Variants in MAML2 observed in about 807,000 individuals in gnomAD.
MAML2 encodes the protein mastermind-like protein 2.
Under a neutral mutation model 96.1 loss-of-function variants are expected in MAML2, and 22 were observed. The observed-to-expected ratio is 0.23, with a 90% CI of 0.16 to 0.33. The LOEUF is 0.33. MAML2 is among the 10% of genes least tolerant of loss of function. MAML2 has a pLI of 1.00. For synonymous variants in MAML2, 561 were observed against 521.3 expected (o/e 1.08, Z -1.04); for missense variants, 1,367 against 1,392.4 (o/e 0.98, Z 0.29).
intron 1 of MAML2, among the ~76,000 whole-genome samples, chr11:96,141,015 C>T (rs1860721785): frequency 6.6e-6 from 1 of 152,170 alleles, no homozygotes; most frequent in African/African-American, 2.4e-5. Context: ...CAAGTCATTT[C>T]TTAGCATAAG....
intron 4 of MAML2, among the ~76,000 whole-genome samples, chr11:95,981,427 A>C (rs2135700243): frequency 6.6e-6 from 1 of 152,348 alleles, no homozygotes; most frequent in South Asian, 2.1e-4. Context: ...AGAGATTCTG[A>C]GAAATACAGA....
chr11:95,991,445 A>G, intron 3 of MAML2, 75 bp downstream of exon 3: 1 of 1,372,200 alleles, frequency 7.3e-7, no homozygotes, highest in South Asian at 1.2e-5. Flanking sequence ...GGCACAGTAA[A>G]TATAAATGGA....
At chr11:96,301,950 C>A (rs1412911165) in intron 1 of MAML2, among the ~76,000 whole-genome samples, 1 of 152,188 alleles carries the variant, frequency 6.6e-6, no homozygotes, top group Non-Finnish European at 1.5e-5. Flanking sequence ...GCTATTGCGA[C>A]CTTATTCTCT....
intron 2 of MAML2, among the ~76,000 whole-genome samples, chr11:96,014,347 C>T (rs528098803): frequency 2.6e-5 from 4 of 152,146 alleles, no homozygotes; most frequent in Non-Finnish European, 4.4e-5. Flanking sequence ...GGGATCCTTG[C>T]GACAGGGATG....
intron 1 of MAML2, among the ~76,000 whole-genome samples, chr11:96,155,509 A>AATATACATATAT (rs1860995729): frequency 1.3e-5 from 1 of 74,848 alleles, no homozygotes; most frequent in African/African-American, 6.1e-5. Context: ...TAACAATTCA[A>AATATACATATAT]ATATATATAT....
chr11:96,007,478 C>T (rs1030897904), intron 2 of MAML2, among the ~76,000 whole-genome samples: 5 of 151,998 alleles, frequency 3.3e-5, no homozygotes, highest in South Asian at 2.1e-4. Context: ...TTGGATCCTG[C>T]GAGACAAAAT....
intron 1 of MAML2, among the ~76,000 whole-genome samples, chr11:96,099,248 C>A (rs189653045): frequency 3.0e-4 from 45 of 152,164 alleles, no homozygotes; most frequent in African/African-American, 1.1e-3. Context: ...GAGACCAATC[C>A]GAAAGCTAAT....
chr11:96,002,370 G>A (rs557554409), intron 2 of MAML2, among the ~76,000 whole-genome samples: 2 of 152,332 alleles, frequency 1.3e-5, no homozygotes, highest in South Asian at 2.1e-4. Flanking sequence ...AAACCAAAGT[G>A]GGGGAGAAAG....
intron 2 of MAML2, among the ~76,000 whole-genome samples, chr11:96,007,501 T>A (rs989173109): frequency 8.5e-5 from 13 of 152,196 alleles, no homozygotes; most frequent in African/African-American, 3.1e-4. Context: ...GACTATATCT[T>A]GCATTATCTG....
rs536031572 is a variant in MAML2, at chr11:96,031,915, G to A, written c.2140-40192C>T. Among the ~76,000 whole-genome samples, 113 of 152,238 alleles carry A rather than the reference G, an allele frequency of 7.4e-4. 1 individual carries two copies. The highest frequency in any genetic ancestry group is 8.8e-5 in the Non-Finnish European group (6 of 68,014). On this transcript the variant is annotated intron_variant, in intron 2 of 4. Transcript: ENST00000524717. ...GCAGGAGAATGGCGTGAACCCGGGA[G>A]GCAGAGCTTGCAGTGAGCTGAGATT...
At chr11:96,029,737 A>G (rs1858581616) in intron 2 of MAML2, among the ~76,000 whole-genome samples, 2 of 152,076 alleles carry the variant, frequency 1.3e-5, no homozygotes, top group Admixed American at 1.3e-4. Context: ...CTGACTTTCT[A>G]TGTTCAGTGG....
At chr11:96,282,725 G>A (rs1305663918) in intron 1 of MAML2, among the ~76,000 whole-genome samples, 1 of 152,142 alleles carries the variant, frequency 6.6e-6, no homozygotes, top group Non-Finnish European at 1.5e-5. Flanking sequence ...TAATCATGTT[G>A]AATTTTATAA....
intron 1 of MAML2, among the ~76,000 whole-genome samples, chr11:96,199,196 C>CA (rs71459791): frequency 0.017 from 1,012 of 58,556 alleles, 34 homozygotes; most frequent in East Asian, 0.052. Flanking sequence ...GCCTCCGTCT[C>CA]AAAAAAAAAA....
chr11:96,148,403 T>A (rs1860854318), intron 1 of MAML2, among the ~76,000 whole-genome samples: 1 of 151,172 alleles, frequency 6.6e-6, no homozygotes, highest in Non-Finnish European at 1.5e-5. Flanking sequence ...ACCCTCTAAG[T>A]GAACTGAATG....
At chr11:96,014,545 A>G (rs190530087) in intron 2 of MAML2, among the ~76,000 whole-genome samples, 63 of 152,232 alleles carry the variant, frequency 4.1e-4, no homozygotes, top group Non-Finnish European at 6.8e-4. Context: ...GTCTCAAACT[A>G]CATTCTTACA....
At chr11:96,307,417 C>T in intron 1 of MAML2, among the ~76,000 whole-genome samples, 1 of 152,138 alleles carries the variant, frequency 6.6e-6, no homozygotes, top group African/African-American at 2.4e-5. Context: ...AAATATATCC[C>T]TTAAAGTATA....
chr11:96,325,567 C>A (rs1863763593), intron 1 of MAML2, among the ~76,000 whole-genome samples: 1 of 152,096 alleles, frequency 6.6e-6, no homozygotes, highest in African/African-American at 2.4e-5. Flanking sequence ...ATTATTATGA[C>A]CATTACAAAT....
intron 2 of MAML2, among the ~76,000 whole-genome samples, chr11:96,055,864 G>A (rs908921149): frequency 1.1e-4 from 16 of 152,190 alleles, no homozygotes; most frequent in African/African-American, 3.9e-4. Flanking sequence ...GAATTTTCAT[G>A]TACTAAGTCA....
At chr11:96,220,395 G>C (rs193048291) in intron 1 of MAML2, among the ~76,000 whole-genome samples, 2 of 152,218 alleles carry the variant, frequency 1.3e-5, no homozygotes, top group African/African-American at 2.4e-5. Context: ...TAGTGGCACC[G>C]GACATGGTGA....
Sources: allele counts gnomAD v4.1 joint callset (sites outside exome capture counted in the v4.1 genomes callset), GRCh38; gene constraint gnomAD v4.1.1; transcripts MANE v1.5; gene names NCBI Gene and HGNC (gene_info 2026-07-23, HGNC 2026-07-21).